Variants in BCAT1 observed in about 807,000 individuals in gnomAD.
The protein encoded by BCAT1 is branched chain amino acid transaminase 1, also known as branched-chain-amino-acid aminotransferase, cytosolic.
A neutral mutation model predicts 52.4 loss-of-function variants in BCAT1; 48 were observed. That is an observed-to-expected ratio of 0.92 (90% confidence interval 0.73 to 1.16). BCAT1 has a LOEUF of 1.16. BCAT1 is among the 50% of genes most tolerant of loss of function. BCAT1 has a pLI of 0.00. For missense variants in BCAT1, 451 were observed against 457.1 expected (o/e 0.99, Z 0.12); for synonymous variants, 167 against 161.3 (o/e 1.04, Z -0.27).
chr12:24,876,524 T>C (rs527564605), intron 5 of BCAT1, among the ~76,000 whole-genome samples: 6 of 152,148 alleles, frequency 3.9e-5, no homozygotes, highest in East Asian at 1.9e-4. Context: ...AAAAAAGCAA[T>C]TGACAAAATC....
upstream of BCAT1, chr12:24,949,186 C>G: frequency 3.7e-6 from 2 of 536,920 alleles, no homozygotes; most frequent in Non-Finnish European, 6.6e-6. Context: ...CAGGCCGCCC[C>G]CAGATGGTGG....
chr12:24,861,397 T>C (rs141547686), intron 5 of BCAT1, among the ~76,000 whole-genome samples: 1 of 152,376 alleles, frequency 6.6e-6, no homozygotes, highest in African/African-American at 2.4e-5. Flanking sequence ...TTGTAGAATA[T>C]ATTGCTGTGG....
chr12:24,901,491 T>C (rs1207570511), intron 2 of BCAT1, among the ~76,000 whole-genome samples: 2 of 152,232 alleles, frequency 1.3e-5, no homozygotes, highest in African/African-American at 2.4e-5. Context: ...TTTAACTTTT[T>C]CTACAAGTAG....
At chr12:24,918,312 G>A (rs1943449578) in intron 1 of BCAT1, among the ~76,000 whole-genome samples, 1 of 152,186 alleles carries the variant, frequency 6.6e-6, no homozygotes, top group African/African-American at 2.4e-5. Context: ...TACCAACGCT[G>A]ACATGAATGG....
chr12:24,897,412 A>C (rs1942986341), intron 2 of BCAT1, among the ~76,000 whole-genome samples: 1 of 152,252 alleles, frequency 6.6e-6, no homozygotes, highest in Non-Finnish European at 1.5e-5. Flanking sequence ...AATTAAAGAT[A>C]AATTATTACA....
chr12:24,877,709 C>G (rs1249436912), intron 5 of BCAT1, among the ~76,000 whole-genome samples: 1 of 152,198 alleles, frequency 6.6e-6, no homozygotes, highest in Admixed American at 6.5e-5. Flanking sequence ...AAAACCATTT[C>G]TACCTCAGAG....
chr12:24,842,387 G>A (rs1245665426), intron 6 of BCAT1, among the ~76,000 whole-genome samples, 163 bp from the exon 7 acceptor site: 2 of 152,136 alleles, frequency 1.3e-5, no homozygotes, highest in Non-Finnish European at 2.9e-5. Flanking sequence ...AACATTAAAG[G>A]AAAACTCATT....
chr12:24,919,687 T>A (rs967154398), intron 1 of BCAT1, among the ~76,000 whole-genome samples: 2 of 152,260 alleles, frequency 1.3e-5, no homozygotes, highest in Non-Finnish European at 2.9e-5. Flanking sequence ...TACCACTTAC[T>A]AGCTTTGCAA....
chr12:24,914,200 A>G (rs1444724116), intron 1 of BCAT1, among the ~76,000 whole-genome samples: 2 of 149,640 alleles, frequency 1.3e-5, no homozygotes, highest in Non-Finnish European at 3.0e-5. Context: ...TCCCACATCC[A>G]CCTCCCGAGG....
chr12:24,817,171 T>C lies in BCAT1; in HGVS notation c.*837A>G, dbSNP rs1939906974. 6.6e-6 allele frequency: 1 copy of C among 152,232 alleles called. No homozygotes were observed. Among genetic ancestry groups the C allele is most frequent in the Non-Finnish European group, 1.5e-5 (1 of 68,046 alleles). 9.4% of individuals were successfully genotyped at this position (152,232 alleles called of 1,614,324 possible). On this transcript the variant is annotated 3_prime_UTR_variant, in exon 11 of 11. Transcript: ENST00000261192. Reference sequence around the variant, plus strand: ...AAATAAAGACAATATAAGGTAAATCTATACACTGTCAGAATCAATCACAAA... The same window carrying C: ...AAATAAAGACAATATAAGGTAAATCCATACACTGTCAGAATCAATCACAAA...
intron 5 of BCAT1, among the ~76,000 whole-genome samples, chr12:24,869,445 C>T (rs1942118972): frequency 6.6e-6 from 1 of 152,100 alleles, no homozygotes; most frequent in Non-Finnish European, 1.5e-5. Context: ...CCCTTTTTTC[C>T]CAATAAGTTC....
chr12:24,864,175 G>A (rs950959261), intron 5 of BCAT1, among the ~76,000 whole-genome samples: 1 of 152,090 alleles, frequency 6.6e-6, no homozygotes, highest in Non-Finnish European at 1.5e-5. Context: ...TTCTCTAAGT[G>A]ACAAGAAAAT....
chr12:24,925,055 A>G (rs1389304951), intron 1 of BCAT1, among the ~76,000 whole-genome samples: 1 of 152,240 alleles, frequency 6.6e-6, no homozygotes, highest in Non-Finnish European at 1.5e-5. Context: ...TGGCTAAGCT[A>G]TAGTGCCCAA....
chr12:24,818,820 AAT>A (rs900108780), intron 10 of BCAT1, among the ~76,000 whole-genome samples: 10 of 152,204 alleles, frequency 6.6e-5, no homozygotes, highest in African/African-American at 1.9e-4. Context: ...AATTAAATGA[AAT>A]AGAGATATTC....
chr12:24,910,530 CTAA>C (rs776134823), intron 1 of BCAT1, among the ~76,000 whole-genome samples: 7 of 151,964 alleles, frequency 4.6e-5, no homozygotes, highest in African/African-American at 7.3e-5. Flanking sequence ...ATTTAAAAAC[CTAA>C]TAATAATAAA....
chr12:24,931,022 C>T (rs1943669182), intron 1 of BCAT1, among the ~76,000 whole-genome samples: 1 of 151,634 alleles, frequency 6.6e-6, no homozygotes, highest in Non-Finnish European at 1.5e-5. Flanking sequence ...CCTGTCTCAG[C>T]CTCCCAAGTA....
intron 1 of BCAT1, among the ~76,000 whole-genome samples, chr12:24,939,295 C>T (rs11610069): frequency 0.3 from 45,037 of 152,112 alleles, 7,788 homozygotes; most frequent in Middle Eastern, 0.51. Flanking sequence ...GTAGGAGCTA[C>T]ACAAATGTCT....
chr12:24,893,410 T>C (rs1942890423), intron 3 of BCAT1, among the ~76,000 whole-genome samples: 2 of 152,116 alleles, frequency 1.3e-5, no homozygotes, highest in African/African-American at 4.8e-5. Context: ...CCTCAAGTCA[T>C]AAAGGTTCCT....
chr12:24,881,232 T>G, intron 4 of BCAT1, 69 bp downstream of exon 4: 1 of 1,089,024 alleles, frequency 9.2e-7, no homozygotes, highest in Non-Finnish European at 1.4e-6. Context: ...AGAAATTATT[T>G]ATTTGGTGGT....
Sources: allele counts gnomAD v4.1 joint callset (sites outside exome capture counted in the v4.1 genomes callset), GRCh38; gene constraint gnomAD v4.1.1; transcripts MANE v1.5; gene names NCBI Gene and HGNC (gene_info 2026-07-23, HGNC 2026-07-21).